Variants in EYA2 observed in about 807,000 individuals in gnomAD.
The protein encoded by EYA2 is protein phosphatase EYA2.
Under a neutral mutation model 69.2 loss-of-function variants are expected in EYA2, and 31 were observed. The observed-to-expected ratio is 0.45, with a 90% confidence interval of 0.34 to 0.60. The LOEUF (loss-of-function observed/expected upper bound fraction) is 0.60, where lower values mean the gene tolerates loss of function less well. Among genes scored for constraint, EYA2 ranks in the 20% least tolerant of loss-of-function variants. The probability of loss-of-function intolerance (pLI) is 0.02; values close to 1 mark genes in which losing one functional copy is unlikely to be tolerated. For missense variants in EYA2, 622 were observed against 701.2 expected, an observed-to-expected ratio of 0.89 and a Z score of 1.28; for synonymous variants, 257 against 279.4, an observed-to-expected ratio of 0.92 and a Z score of 0.80.
intron 9 of EYA2, among the ~76,000 whole-genome samples, chr20:47,109,761 A>T (rs1432891768): frequency 6.6e-6 from 1 of 152,142 alleles, no homozygotes; most frequent in Non-Finnish European, 1.5e-5. Flanking sequence ...TAACCAGAGG[A>T]AGTTTTGGCC....
intron 5 of EYA2, among the ~76,000 whole-genome samples, chr20:47,039,134 C>T (rs111883220): frequency 2.4e-5 from 3 of 124,848 alleles, no homozygotes; most frequent in East Asian, 2.4e-4. Flanking sequence ...CACACACACG[C>T]GCGCACAATT....
chr20:46,979,163 C>T (rs1206527557), intron 1 of EYA2, among the ~76,000 whole-genome samples: 1 of 152,222 alleles, frequency 6.6e-6, no homozygotes, highest in African/African-American at 2.4e-5. Flanking sequence ...GGTGTACTCA[C>T]GGGGGTGTGG....
chr20:47,060,092 A>G (rs904484709), intron 5 of EYA2, among the ~76,000 whole-genome samples: 8 of 152,234 alleles, frequency 5.3e-5, no homozygotes, highest in Non-Finnish European at 2.9e-5. Flanking sequence ...CCCTGGCTAC[A>G]TTAGACTCAC....
intron 2 of EYA2, among the ~76,000 whole-genome samples, chr20:46,994,839 A>G (rs914503787): frequency 1.3e-5 from 2 of 151,858 alleles, no homozygotes; most frequent in African/African-American, 4.8e-5. Context: ...CACAAATGTC[A>G]TAGTCTCGAG....
Position 47,165,583 on chromosome 20 carries a change from C to A in EYA2, c.979-3556C>A, listed in dbSNP as rs144143224. 2.0e-3 allele frequency among the ~76,000 whole-genome samples: 309 copies of A among 152,324 alleles called. 1 individual carries two copies. Among genetic ancestry groups the A allele is most frequent in the Non-Finnish European group, 3.4e-3 (229 of 68,034 alleles). On this transcript the variant is annotated intron_variant, in intron 10 of 15. Transcript: ENST00000327619. ...CACACCACTGTCCAAACCCAGGGTG[C>A]TGCCCGTGGGTCACAGAGGTGCAAG...
chr20:47,000,124 G>C (rs1426798868), intron 2 of EYA2, among the ~76,000 whole-genome samples: 1 of 152,186 alleles, frequency 6.6e-6, no homozygotes, highest in African/African-American at 2.4e-5. Flanking sequence ...GCCTACAGCT[G>C]TTCATCTGAG....
At chr20:47,166,006 A>G (rs1043862434) in intron 10 of EYA2, among the ~76,000 whole-genome samples, 1 of 152,142 alleles carries the variant, frequency 6.6e-6, no homozygotes, top group African/African-American at 2.4e-5. Context: ...CCTGGGCAAC[A>G]TATTGAGACC....
intron 7 of EYA2, among the ~76,000 whole-genome samples, chr20:47,076,464 T>C (rs1031510262): frequency 2.0e-5 from 3 of 152,226 alleles, no homozygotes; most frequent in Non-Finnish European, 4.4e-5. Context: ...ACCAGTGATA[T>C]TATTTTTTCA....
intron 9 of EYA2, among the ~76,000 whole-genome samples, chr20:47,121,005 C>T (rs564495098): frequency 6.6e-6 from 1 of 152,296 alleles, no homozygotes; most frequent in Non-Finnish European, 1.5e-5. Context: ...TGATAGCATT[C>T]TCCCCTGGAA....
At position 46,894,931 on chromosome 20, in the gene EYA2, C is replaced by G. The variant is rs1452915050; in HGVS notation, c.-67C>G. 1.3e-5 allele frequency: 2 copies of G among 151,544 alleles called. No homozygotes were observed. Among genetic ancestry groups the G allele is most frequent in the Admixed American group, 6.6e-5 (1 of 15,180 alleles). 9.4% of individuals were successfully genotyped at this position (151,544 alleles called of 1,614,324 possible). A position where few individuals can be genotyped will look rare whatever the true frequency, so the allele number is the denominator to read the frequency against. Reference sequence around the variant, plus strand: ...GCAGTCAGCCCGGCCTCGTCGGACCCGCACCGGCCCGCCCGCCCGCCCGCA... The same window carrying G: ...GCAGTCAGCCCGGCCTCGTCGGACCGGCACCGGCCCGCCCGCCCGCCCGCA... On this transcript the variant is annotated 5_prime_UTR_variant, in exon 1 of 16. Coordinates refer to ENST00000327619, the MANE Select transcript of EYA2 (RefSeq NM_005244.5).
At chr20:47,176,445 G>T (rs1600772829) in intron 12 of EYA2, among the ~76,000 whole-genome samples, 1 of 152,114 alleles carries the variant, frequency 6.6e-6, no homozygotes, top group South Asian at 2.1e-4. Context: ...ATGGCAGAGA[G>T]CCCAGCGTGG....
intron 1 of EYA2, among the ~76,000 whole-genome samples, chr20:46,948,299 A>G (rs959464279): frequency 6.6e-6 from 1 of 152,228 alleles, no homozygotes; most frequent in African/African-American, 2.4e-5. Context: ...GTCAGAGACA[A>G]CATGTAAACA....
At chr20:46,953,579 G>A (rs1978937220) in intron 1 of EYA2, among the ~76,000 whole-genome samples, 1 of 152,196 alleles carries the variant, frequency 6.6e-6, no homozygotes, top group African/African-American at 2.4e-5. Flanking sequence ...ACTGGGGCCT[G>A]ATAATTCTTC....
chr20:47,063,444 G>T (rs1022100162), intron 5 of EYA2, among the ~76,000 whole-genome samples: 3 of 141,738 alleles, frequency 2.1e-5, no homozygotes, highest in African/African-American at 8.0e-5. Context: ...GAGACAGTGA[G>T]GCAGGAGAAT....
intron 1 of EYA2, among the ~76,000 whole-genome samples, chr20:46,898,921 G>C (rs905188669): frequency 1.3e-5 from 2 of 152,136 alleles, no homozygotes; most frequent in African/African-American, 4.8e-5. Context: ...ATCCTATTGA[G>C]TTCCTTTGTC....
At chr20:47,124,617 T>G (rs946243690) in intron 9 of EYA2, among the ~76,000 whole-genome samples, 1 of 152,110 alleles carries the variant, frequency 6.6e-6, no homozygotes, top group Non-Finnish European at 1.5e-5. Flanking sequence ...CACATGCCCC[T>G]CAGCCCTGGG....
chr20:46,956,718 T>C (rs1180965706), intron 1 of EYA2, among the ~76,000 whole-genome samples: 1 of 152,174 alleles, frequency 6.6e-6, no homozygotes, highest in Non-Finnish European at 1.5e-5. Flanking sequence ...AATATCTGGA[T>C]TTGGTGGGCA....
At chr20:47,100,451 C>A (rs2032392096) in intron 9 of EYA2, among the ~76,000 whole-genome samples, 1 of 152,182 alleles carries the variant, frequency 6.6e-6, no homozygotes, top group Non-Finnish European at 1.5e-5. Context: ...CTCTCTGGCC[C>A]CATTGGTATC....
intron 8 of EYA2, chr20:47,096,044 CAAG>C (rs1251239841): frequency 4.0e-5 from 6 of 151,862 alleles, no homozygotes; most frequent in Admixed American, 6.6e-5. Flanking sequence ...TTGTTGCAAA[CAAG>C]AAAAAATTAA....
Sources: gnomAD v4.1 joint callset for allele counts (sites outside exome capture counted in the v4.1 genomes callset) on GRCh38, gnomAD v4.1.1 for gene constraint, MANE v1.5 for transcripts, NCBI Gene and HGNC (gene_info 2026-07-23, HGNC 2026-07-21) for gene names.